The following PARP2 variants were observed in gnomAD, a reference collection of about 807,000 sequenced individuals.
PARP2 encodes the protein poly(ADP-ribose) polymerase 2, also known as poly [ADP-ribose] polymerase 2.
A neutral mutation model predicts 77.8 loss-of-function variants in PARP2; 57 were observed. The ratio of observed to expected loss-of-function variants is 0.73; its 90% CI spans 0.59 to 0.91. PARP2 has a LOEUF of 0.91. Among genes scored for constraint, PARP2 ranks in the 40% least tolerant of loss-of-function variants. PARP2 has a pLI of 0.00. For synonymous variants in PARP2, 226 were observed against 242.6 expected (o/e 0.93, Z 0.64); for missense variants, 651 against 689.0 (o/e 0.94, Z 0.62).
At chr14:20,344,815 A>T (rs1883648866) in intron 1 of PARP2, 117 bp from the exon 2 acceptor site, 3 of 784,064 alleles carry the variant, frequency 3.8e-6, no homozygotes, top group Non-Finnish European at 4.2e-6. Context: ...TCCACCTCAA[A>T]ACAAAAAAAG....
At chr14:20,353,364 C>T (rs565775518) in intron 7 of PARP2, among the ~76,000 whole-genome samples, 145 of 151,766 alleles carry the variant, frequency 9.6e-4, no homozygotes, top group African/African-American at 3.3e-3. Context: ...CCTCAGCCTC[C>T]GGAGTAGCTG....
At chr14:20,346,319 A>ATGT (rs1854165349) in intron 3 of PARP2, among the ~76,000 whole-genome samples, 25 of 129,412 alleles carry the variant, frequency 1.9e-4, no homozygotes, top group African/African-American at 7.2e-4. Context: ...CTCAGTTAGA[A>ATGT]TCTTTTTTTT....
intron 4 of PARP2, among the ~76,000 whole-genome samples, chr14:20,349,631 A>G (rs962825359): frequency 3.3e-5 from 5 of 150,832 alleles, no homozygotes; most frequent in Admixed American, 3.3e-4. Flanking sequence ...CGGAGGTTGC[A>G]CCACTGCACT....
chr14:20,354,172 A>C lies in PARP2; in HGVS notation c.688A>C (p.Lys230Gln), dbSNP rs757899851. ...AGATCTTCGGGTACAGGAGTTAATAAAGTTGATCTGTAATGTTCAGGCCAT... is the reference window on the plus strand; with the variant it reads ...AGATCTTCGGGTACAGGAGTTAATACAGTTGATCTGTAATGTTCAGGCCAT... Reference protein sequence around the residue: ...QLDLRVQELIKLICNVQAMEE... With the variant: ...QLDLRVQELIQLICNVQAMEE... The change falls in exon 8 of 16, where the codon AAG becomes CAG. Residue 230 changes from lysine to glutamine, a missense_variant. Coordinates refer to ENST00000429687, the MANE Select transcript of PARP2 (RefSeq NM_001042618.2). 14 of 1,613,160 alleles carry C rather than the reference A, an allele frequency of 8.7e-6. No homozygotes were observed. In the Admixed American group the frequency reaches 1.2e-4, roughly 13 times the overall value.
chr14:20,348,464 C>T (rs1016650051), intron 4 of PARP2, among the ~76,000 whole-genome samples: 3 of 151,218 alleles, frequency 2.0e-5, no homozygotes, highest in African/African-American at 7.3e-5. Context: ...AACTTGTGAC[C>T]TCGTGTGATC....
intron 2 of PARP2, 37 bp from the exon 3 acceptor site, chr14:20,345,357 G>T: frequency 1.9e-6 from 3 of 1,552,536 alleles, no homozygotes; most frequent in South Asian, 2.3e-5. Context: ...AGCTGTTTTT[G>T]ATTCCCATAA....
Position 20,355,827 on chromosome 14 carries a change from A to G in PARP2, c.966+12A>G. On this transcript the variant is annotated intron_variant, in intron 10 of 15. Coordinates refer to ENST00000429687, the MANE Select transcript of PARP2 (RefSeq NM_001042618.2). ...TACAATTACTAGAGGTGAGATATGT[A>G]TGATTTGAGAAGTATTATATCCCTT... is the stretch of plus-strand genomic sequence containing the variant. 1.9e-6 allele frequency: 3 copies of G among 1,613,220 alleles called. No individual in the cohort carries two copies. Among genetic ancestry groups the G allele is most frequent in the African/African-American group, 1.3e-5 (1 of 75,038 alleles).
chr14:20,343,719 G>C (rs746432308), intron 1 of PARP2, 32 bp downstream of exon 1: 8 of 1,603,388 alleles, frequency 5.0e-6, no homozygotes, highest in Middle Eastern at 1.7e-4. Context: ...GACGGCATGC[G>C]GGGGGCGGGC....
Position 20,345,388 on chromosome 14 carries a change from C to G in PARP2, c.203-6C>G. 1 of 1,611,424 alleles carries G rather than the reference C, an allele frequency of 6.2e-7. No homozygotes were observed. Among genetic ancestry groups the G allele is most frequent in the Non-Finnish European group, 8.5e-7 (1 of 1,177,646 alleles). ...CATAAAGTAGTACCTATCTGTCTTT[C>G]CTCAGAATCTGTGAAGGCCTTGCTG... On this transcript the variant is annotated splice_polypyrimidine_tract_variant and splice_region_variant and intron_variant, in intron 2 of 15. Coordinates refer to ENST00000429687, the MANE Select transcript of PARP2 (RefSeq NM_001042618.2).
intron 4 of PARP2, among the ~76,000 whole-genome samples, chr14:20,348,648 CA>C: frequency 6.6e-6 from 1 of 152,200 alleles, no homozygotes; most frequent in East Asian, 1.9e-4. Context: ...ATTGATCCAA[CA>C]TATATAATTT....
chr14:20,357,877 T>C lies in PARP2; in HGVS notation c.*80T>C. ...GTTGTACTTGTGAATTTTGTGATAT[T>C]TTATGTAATAAAAACTGTACAGGTC... is the stretch of plus-strand genomic sequence containing the variant. On this transcript the variant is annotated 3_prime_UTR_variant, in exon 16 of 16. Coordinates refer to ENST00000429687, the MANE Select transcript of PARP2 (RefSeq NM_001042618.2). 2 of 1,340,368 alleles carry C rather than the reference T, an allele frequency of 1.5e-6. No individual in the cohort carries two copies. The highest frequency in any genetic ancestry group is 1.0e-6 in the Non-Finnish European group (1 of 955,722). 83.0% of individuals were successfully genotyped at this position (1,340,368 alleles called of 1,614,324 possible).
Position 20,354,187 on chromosome 14 carries a change from G to A in PARP2, c.703G>A (p.Val235Ile), listed in dbSNP as rs1290445459. Reference sequence around the variant, plus strand: ...GGAGTTAATAAAGTTGATCTGTAATGTTCAGGCCATGGAAGAAATGATGAT... The same window carrying A: ...GGAGTTAATAAAGTTGATCTGTAATATTCAGGCCATGGAAGAAATGATGAT... ...VQELIKLICN[V>I]QAMEEMMMEM... The change falls in exon 8 of 16, where the codon GTT (valine) becomes ATT (isoleucine). Residue 235 changes from valine (V) to isoleucine (I), a missense_variant. Physicochemically the swap from Val to Ile is conservative, Grantham distance 29. Transcript: ENST00000429687. 2.2e-5 allele frequency: 36 copies of A among 1,613,564 alleles called. No individual in the cohort carries two copies. Among genetic ancestry groups the A allele is most frequent in the Non-Finnish European group, 3.0e-5 (35 of 1,179,626 alleles).
intron 1 of PARP2, among the ~76,000 whole-genome samples, chr14:20,343,920 T>A (rs1594293715): frequency 6.6e-6 from 1 of 152,222 alleles, no homozygotes; most frequent in Non-Finnish European, 1.5e-5. Flanking sequence ...CTGTTGTTAA[T>A]ACCTAATGTC....
rs10695113 is a variant in PARP2, at chr14:20,352,568, T to TTTTTTTTTTTTTG, written c.600+221_600+222insTTTTTTTTTTTTG. 4.9e-3 allele frequency: 1,458 copies of TTTTTTTTTTTTTG among 296,840 alleles called. 7 individuals carry two copies. The highest frequency in any genetic ancestry group is 9.4e-3 in the South Asian group (118 of 12,490). 18.4% of individuals were successfully genotyped at this position (296,840 alleles called of 1,614,324 possible). A position where few individuals can be genotyped will look rare whatever the true frequency, so the allele number is the denominator to read the frequency against. On this transcript the variant is annotated intron_variant, in intron 7 of 15. Transcript: ENST00000429687. ...CAGCTGATTTTTTTTCTTTTTTTTT[T>TTTTTTTTTTTTTG]GTAAAGATGAGGTTTCACTATGTTG...
intron 4 of PARP2, among the ~76,000 whole-genome samples, chr14:20,347,402 T>C (rs866594485): frequency 7.0e-5 from 1 of 14,272 alleles, no homozygotes; most frequent in Non-Finnish European, 1.7e-4. Context: ...ATATATATTT[T>C]TTTTTTTTTT....
intron 13 of PARP2, 89 bp downstream of exon 13, chr14:20,356,778 G>T (rs1288685144): frequency 9.8e-7 from 1 of 1,024,936 alleles, no homozygotes; most frequent in African/African-American, 1.6e-5. Flanking sequence ...GGATTAGATG[G>T]TTCCCCTCCC....
intron 8 of PARP2, 71 bp downstream of exon 8, chr14:20,354,318 C>G (rs368448466): frequency 5.7e-6 from 7 of 1,237,736 alleles, no homozygotes; most frequent in African/African-American, 1.5e-5. Context: ...ACTTTATTAT[C>G]ATTATGATTT....
chr14:20,347,370 A>G (rs1450532429), intron 4 of PARP2, among the ~76,000 whole-genome samples: 668 of 11,876 alleles, frequency 0.056, 33 homozygotes, highest in Non-Finnish European at 0.079. Flanking sequence ...ATATATATAT[A>G]TATATATATA....
chr14:20,356,245 T>C, intron 11 of PARP2, 62 bp from the exon 12 acceptor site: 2 of 1,575,738 alleles, frequency 1.3e-6, no homozygotes, highest in South Asian at 2.3e-5. Context: ...ATCCCCAAAT[T>C]CTTCAGTTCA....
Sources: gnomAD v4.1 joint callset for allele counts (sites outside exome capture counted in the v4.1 genomes callset) on GRCh38, gnomAD v4.1.1 for gene constraint, MANE v1.5 for transcripts, NCBI Gene and HGNC (gene_info 2026-07-23, HGNC 2026-07-21) for gene names.